The following GPR176 variants were observed in gnomAD, a reference collection of about 807,000 sequenced individuals.
GPR176 encodes G-protein coupled receptor 176.
A neutral mutation model predicts 35.4 loss-of-function variants in GPR176; 26 were observed. That is an observed-to-expected ratio of 0.74 (90% confidence interval 0.54 to 1.02). The LOEUF is 1.02. GPR176 is among the 50% of genes least tolerant of loss of function. The pLI, the probability that GPR176 is intolerant of heterozygous loss-of-function variation, is 0.00. For missense variants in GPR176, 597 were observed against 665.3 expected (o/e 0.90, Z 1.13); for synonymous variants, 278 against 271.3 (o/e 1.02, Z -0.24).
At chr15:39,857,803 C>T (rs1157947930) in intron 1 of GPR176, among the ~76,000 whole-genome samples, 22 of 141,878 alleles carry the variant, frequency 1.6e-4, no homozygotes, top group Non-Finnish European at 3.2e-5. Flanking sequence ...CCCGTCTCTA[C>T]TAAAAATACA....
At chr15:39,833,210 T>C (rs931841911) in intron 1 of GPR176, among the ~76,000 whole-genome samples, 4 of 152,114 alleles carry the variant, frequency 2.6e-5, no homozygotes, top group East Asian at 1.9e-4. Context: ...AAAATGTTCA[T>C]AGCAGCCCTC....
chr15:39,863,155 G>A (rs1185011182), intron 1 of GPR176, among the ~76,000 whole-genome samples: 1 of 151,402 alleles, frequency 6.6e-6, no homozygotes, highest in East Asian at 1.9e-4. Context: ...CGACTCCTGG[G>A]TTCATGCCAT....
rs1259713838 is a variant in GPR176, at chr15:39,800,683, T to A, written c.*449A>T. Reference sequence around the variant, plus strand: ...AAAATGTTTGACATGTTTAAGTTCATCAAACAGGCATTTTCTCTGGAGCCA... The same window carrying A: ...AAAATGTTTGACATGTTTAAGTTCAACAAACAGGCATTTTCTCTGGAGCCA... On this transcript the variant is annotated 3_prime_UTR_variant, in exon 3 of 3. Transcript: ENST00000561100. 3.7e-5 allele frequency: 6 copies of A among 161,332 alleles called. No homozygotes were observed. The highest frequency in any genetic ancestry group is 1.4e-4 in the African/African-American group (6 of 41,512). The allele number at this position is 161,332 out of a possible 1,614,324, so 10.0% of individuals were successfully genotyped here. A position where few individuals can be genotyped will look rare whatever the true frequency, so the allele number is the denominator to read the frequency against.
intron 1 of GPR176, among the ~76,000 whole-genome samples, chr15:39,827,881 T>C (rs1900785886): frequency 6.6e-6 from 1 of 152,230 alleles, no homozygotes; most frequent in Non-Finnish European, 1.5e-5. Context: ...TTGTTGACAG[T>C]GACTCTCAAA....
intron 1 of GPR176, among the ~76,000 whole-genome samples, chr15:39,840,762 C>G (rs555314472): frequency 5.3e-5 from 8 of 151,976 alleles, no homozygotes; most frequent in Admixed American, 3.9e-4. Context: ...TAAAATATTA[C>G]AGAAATAAAA....
At chr15:39,901,150 T>C (rs1201901082) in intron 1 of GPR176, among the ~76,000 whole-genome samples, 1 of 151,590 alleles carries the variant, frequency 6.6e-6, no homozygotes, top group Non-Finnish European at 1.5e-5. Flanking sequence ...GAAGGAGAAC[T>C]AGGAAATTCA....
At position 39,800,902 on chromosome 15, in the gene GPR176, G is replaced by C. The variant is rs1290835265; in HGVS notation, c.*230C>G. ...CTCTTGTCCCCACAGAGAATAATGT[G>C]GACTTCACTAAGGACATGGATCACT... is the stretch of plus-strand genomic sequence containing the variant. On this transcript the variant is annotated 3_prime_UTR_variant, in exon 3 of 3. Transcript: ENST00000561100. 1 of 477,932 alleles carries C rather than the reference G, an allele frequency of 2.1e-6. No homozygotes were observed. The highest frequency in any genetic ancestry group is 3.8e-6 in the Non-Finnish European group (1 of 265,198). The allele number at this position is 477,932 out of a possible 1,614,324, so 29.6% of individuals were successfully genotyped here.
chr15:39,861,547 CA>C (rs34934673), intron 1 of GPR176, among the ~76,000 whole-genome samples: 67 of 137,156 alleles, frequency 4.9e-4, no homozygotes, highest in Middle Eastern at 3.6e-3. Context: ...GACTCCATCT[CA>C]AAAAAAAAAA....
chr15:39,835,637 A>G (rs1566945609), intron 1 of GPR176, among the ~76,000 whole-genome samples: 1 of 152,186 alleles, frequency 6.6e-6, no homozygotes, highest in Non-Finnish European at 1.5e-5. Context: ...TTCAGGAATT[A>G]GGGTGGAAAA....
intron 1 of GPR176, among the ~76,000 whole-genome samples, chr15:39,829,616 T>TTCAC (rs1425914168): frequency 8.0e-5 from 4 of 50,202 alleles, no homozygotes; most frequent in Admixed American, 2.3e-4. Context: ...GTTTATTGAT[T>TTCAC]TCACTTTATT....
intron 1 of GPR176, among the ~76,000 whole-genome samples, chr15:39,856,127 C>G (rs1343833887): frequency 1.3e-5 from 2 of 152,166 alleles, no homozygotes; most frequent in Non-Finnish European, 2.9e-5. Context: ...TGGTCAACAT[C>G]TGGACATGGA....
rs1286844112 is a variant in GPR176 at position 39,859,961 on chromosome 15, G to GT, written c.173-52704dup. Among the ~76,000 whole-genome samples the GT allele has an allele frequency of 2.3e-3, 328 of 144,164 alleles. 1 individual carries two copies. The highest frequency in any genetic ancestry group is 8.2e-3 in the African/African-American group (311 of 38,130). The allele number at this position is 144,164 out of a possible 152,430, so 94.6% of individuals were successfully genotyped here. A position where few individuals can be genotyped will look rare whatever the true frequency, so the allele number is the denominator to read the frequency against. On this transcript the variant is annotated intron_variant, in intron 1 of 2. Coordinates refer to ENST00000561100, the MANE Select transcript of GPR176 (RefSeq NM_007223.3). The stretch of plus-strand genomic sequence containing the variant: ...TTAAGATGGTAAATATGTGGCATGT[G>GT]TTTTTTTTGCCACAATAAAAAAGGC...
At chr15:39,871,534 TC>T (rs1328040725) in intron 1 of GPR176, among the ~76,000 whole-genome samples, 2 of 152,190 alleles carry the variant, frequency 1.3e-5, no homozygotes, top group Non-Finnish European at 2.9e-5. Flanking sequence ...AGGGCAGGAT[TC>T]ACTGCCTTTA....
At chr15:39,845,070 G>T (rs1595473342) in intron 1 of GPR176, among the ~76,000 whole-genome samples, 1 of 152,218 alleles carries the variant, frequency 6.6e-6, no homozygotes, top group South Asian at 2.1e-4. Context: ...TCAGGGCTTG[G>T]CCAGGCAAAA....
At chr15:39,802,793 C>G (rs1898968165) in intron 2 of GPR176, among the ~76,000 whole-genome samples, 1 of 152,158 alleles carries the variant, frequency 6.6e-6, no homozygotes, top group South Asian at 2.1e-4. Context: ...TTGTTCAGGG[C>G]AGAAGAACCA....
intron 1 of GPR176, among the ~76,000 whole-genome samples, chr15:39,898,832 G>T (rs1165014533): frequency 6.6e-6 from 1 of 152,154 alleles, no homozygotes; most frequent in Non-Finnish European, 1.5e-5. Flanking sequence ...GACTATGAAA[G>T]GAAGAAGAAA....
chr15:39,846,012 C>T (rs952132911), intron 1 of GPR176, among the ~76,000 whole-genome samples: 3 of 152,182 alleles, frequency 2.0e-5, no homozygotes, highest in African/African-American at 7.2e-5. Context: ...GATGAGCCTT[C>T]ACTCTCAGTA....
intron 1 of GPR176, among the ~76,000 whole-genome samples, chr15:39,909,013 C>T (rs1251523203): frequency 2.6e-5 from 4 of 152,210 alleles, no homozygotes; most frequent in African/African-American, 2.4e-5. Context: ...GTGGCAGATA[C>T]TGTAGTCTGG....
chr15:39,806,320 T>C (rs545369716), intron 2 of GPR176, among the ~76,000 whole-genome samples: 2 of 152,310 alleles, frequency 1.3e-5, no homozygotes, highest in African/African-American at 2.4e-5. Flanking sequence ...CTCTAGAAAA[T>C]ATTATCTAAA....
Sources: allele counts gnomAD v4.1 joint callset (sites outside exome capture counted in the v4.1 genomes callset), GRCh38; gene constraint gnomAD v4.1.1; transcripts MANE v1.5; gene names NCBI Gene and HGNC (gene_info 2026-07-23, HGNC 2026-07-21).